The following CBR4 variants were observed in gnomAD, a reference collection of about 807,000 sequenced individuals.
CBR4 encodes the protein carbonyl reductase 4, also known as 3-oxoacyl-[acyl-carrier-protein] reductase.
In CBR4, 22 loss-of-function variants were observed where a neutral mutation model predicts 21.0. The ratio of observed to expected loss-of-function variants is 1.05; its 90% CI spans 0.75 to 1.50. The LOEUF (loss-of-function observed/expected upper bound fraction) is 1.50, where lower values mean the gene tolerates loss of function less well. Among genes scored for constraint, CBR4 ranks in the 40% most tolerant of loss-of-function variants. CBR4 has a pLI of 0.00. For synonymous variants in CBR4, 100 were observed against 104.4 expected, an observed-to-expected ratio of 0.96 and a Z score of 0.26; for missense variants, 302 against 286.3, an observed-to-expected ratio of 1.05 and a Z score of -0.40.
chr4:168,909,931 T>C (rs570966518), intron 2 of CBR4, among the ~76,000 whole-genome samples: 1 of 152,288 alleles, frequency 6.6e-6, no homozygotes, highest in Non-Finnish European at 1.5e-5. Flanking sequence ...CTCTAAATGC[T>C]CCTGGTTATG....
chr4:168,954,866 C>T (rs967945393), intron 2 of CBR4, among the ~76,000 whole-genome samples: 1 of 152,112 alleles, frequency 6.6e-6, no homozygotes, highest in African/African-American at 2.4e-5. Context: ...GATCAGAAGA[C>T]TCCAGGAAAT....
intron 2 of CBR4, among the ~76,000 whole-genome samples, chr4:168,972,846 CTT>C (rs892823887): frequency 6.6e-6 from 1 of 152,126 alleles, no homozygotes; most frequent in African/African-American, 2.4e-5. Context: ...GCATCCTTGT[CTT>C]GTTTCAGTTC....
intron 2 of CBR4, chr4:168,924,879 G>C: frequency 6.6e-7 from 1 of 1,505,600 alleles, no homozygotes; most frequent in Non-Finnish European, 9.2e-7. Context: ...AATTAAAAAT[G>C]ATGCTTCATG....
downstream of CBR4, among the ~76,000 whole-genome samples, chr4:168,984,233 A>C (rs1764621512): frequency 6.6e-6 from 1 of 152,208 alleles, no homozygotes; most frequent in Non-Finnish European, 1.5e-5. Context: ...ATCAATGTAC[A>C]AAAATCAGTA....
intron 2 of CBR4, among the ~76,000 whole-genome samples, chr4:168,976,390 C>T (rs1764371963): frequency 6.6e-6 from 1 of 152,212 alleles, no homozygotes; most frequent in Admixed American, 6.5e-5. Context: ...GAAGAGTCCA[C>T]CAAACAGGCT....
At chr4:168,896,529 CT>C (rs766416032) in intron 2 of CBR4, 164 of 1,403,212 alleles carry the variant, frequency 1.2e-4, no homozygotes, top group Non-Finnish European at 1.5e-4. Context: ...GTCTTCACAT[CT>C]TTTTTTCTAC....
At chr4:168,919,321 C>T (rs1474680185) in intron 2 of CBR4, among the ~76,000 whole-genome samples, 1 of 152,004 alleles carries the variant, frequency 6.6e-6, no homozygotes, top group Admixed American at 6.6e-5. Flanking sequence ...GTCAGGAATC[C>T]GAGACCAGCC....
chr4:168,990,045 A>G lies in CBR4; in HGVS notation c.*105T>C. On this transcript the variant is annotated 3_prime_UTR_variant, in exon 5 of 5. Coordinates refer to ENST00000306193, the MANE Select transcript of CBR4 (RefSeq NM_032783.5). ...GACAGAAATTAACATTTGTAGCATC[A>G]GCAGGTTTGATTAGCACATGTTACC... The G allele has an allele frequency of 7.5e-7, 1 of 1,331,290 alleles. No individual in the cohort carries two copies. The highest frequency in any genetic ancestry group is 3.0e-5 in the Admixed American group (1 of 32,954). 82.5% of individuals were successfully genotyped at this position (1,331,290 alleles called of 1,614,324 possible). A position where few individuals can be genotyped will look rare whatever the true frequency, so the allele number is the denominator to read the frequency against.
chr4:168,904,206 T>TA (rs1209289011), intron 2 of CBR4: 6 of 337,978 alleles, frequency 1.8e-5, no homozygotes, highest in East Asian at 1.2e-4. Flanking sequence ...AGTCCTATGG[T>TA]AAAAAATAAG....
intron 2 of CBR4, among the ~76,000 whole-genome samples, chr4:168,956,398 C>T (rs546820996): frequency 1.3e-5 from 2 of 151,636 alleles, no homozygotes; most frequent in East Asian, 3.9e-4. Flanking sequence ...AATTCAAGAC[C>T]AGCCTGGGCA....
At chr4:168,918,017 G>A (rs969717651) in intron 2 of CBR4, among the ~76,000 whole-genome samples, 2 of 151,934 alleles carry the variant, frequency 1.3e-5, no homozygotes, top group Non-Finnish European at 2.9e-5. Flanking sequence ...TGACCAACAT[G>A]GTGAAACCCC....
chr4:168,898,874 G>A (rs1014621878), intron 2 of CBR4, among the ~76,000 whole-genome samples: 3 of 152,156 alleles, frequency 2.0e-5, no homozygotes, highest in African/African-American at 4.8e-5. Flanking sequence ...CCATCTTCAG[G>A]AGGCATTAGA....
chr4:168,941,774 G>T (rs1391763793), intron 2 of CBR4, among the ~76,000 whole-genome samples: 2 of 152,130 alleles, frequency 1.3e-5, no homozygotes, highest in Non-Finnish European at 2.9e-5. Flanking sequence ...GGCATAAGAT[G>T]GTATCTCACT....
intron 2 of CBR4, among the ~76,000 whole-genome samples, chr4:168,944,537 A>T (rs139455007): frequency 6.6e-6 from 1 of 152,180 alleles, no homozygotes; most frequent in East Asian, 1.9e-4. Flanking sequence ...AAGTTTTATG[A>T]GTTTACTCTC....
At chr4:168,896,721 GTGTC>G in intron 2 of CBR4, 1 of 640,258 alleles carries the variant, frequency 1.6e-6, no homozygotes, top group East Asian at 3.0e-5. Context: ...GCTATGACCA[GTGTC>G]TGTTTCATTT....
chr4:168,896,612 ACCTTTCTTCT>A, intron 2 of CBR4: 1 of 1,446,800 alleles, frequency 6.9e-7, no homozygotes, highest in South Asian at 1.2e-5. Context: ...TAAGCTTTTC[ACCTTTCTTCT>A]CCTTCCAGTC....
Position 168,897,821 on chromosome 4 carries a change from G to GT in CBR4, n.170-3057dup, listed in dbSNP as rs201970702. 1.3e-3 allele frequency among the ~76,000 whole-genome samples: 187 copies of GT among 142,886 alleles called. 2 individuals are homozygous for GT. The highest frequency in any genetic ancestry group is 0.012 in the East Asian group (58 of 4,926). 93.7% of individuals were successfully genotyped at this position (142,886 alleles called of 152,430 possible). A position where few individuals can be genotyped will look rare whatever the true frequency, so the allele number is the denominator to read the frequency against. ...ATCACCACAGGAATGTTGATGGGTT[G>GT]TTTTTTTTTTTTAAAGCAAAATTTT... is the stretch of plus-strand genomic sequence containing the variant. On this transcript the variant is annotated intron_variant and non_coding_transcript_variant, in intron 2 of 3. Coordinates refer to the CBR4 transcript ENST00000509108.
intron 2 of CBR4, among the ~76,000 whole-genome samples, chr4:168,950,152 C>CTGGGTT (rs1763500286): frequency 6.6e-6 from 1 of 151,846 alleles, no homozygotes; most frequent in Non-Finnish European, 1.5e-5. Flanking sequence ...CTTTCTTCTG[C>CTGGGTT]TGGGTTTGGG....
chr4:168,941,737 C>T (rs7662054), intron 2 of CBR4, among the ~76,000 whole-genome samples: 114,574 of 152,084 alleles, frequency 0.75, 43,455 homozygotes, highest in East Asian at 0.96. Flanking sequence ...TGTTGTTCCC[C>T]GACTTTTTAA....
Sources: allele counts gnomAD v4.1 joint callset (sites outside exome capture counted in the v4.1 genomes callset), GRCh38; gene constraint gnomAD v4.1.1; transcripts MANE v1.5; gene names NCBI Gene and HGNC (gene_info 2026-07-23, HGNC 2026-07-21).